The following CCT8 variants were observed in gnomAD, a reference collection of about 807,000 sequenced individuals.
CCT8 encodes chaperonin containing TCP1 subunit 8.
A neutral mutation model predicts 65.7 loss-of-function variants in CCT8; 10 were observed. The ratio of observed to expected loss-of-function variants is 0.15; its 90% CI spans 0.09 to 0.26. The LOEUF (loss-of-function observed/expected upper bound fraction) is 0.26, where lower values mean the gene tolerates loss of function less well. Ranked by LOEUF, CCT8 falls within the 10% of genes least tolerant of loss-of-function variation. The probability of loss-of-function intolerance (pLI) is 1.00; values close to 1 mark genes in which losing one functional copy is unlikely to be tolerated. For synonymous variants in CCT8, 199 were observed against 221.8 expected (o/e 0.90, Z 0.92); for missense variants, 568 against 669.1 (o/e 0.85, Z 1.67).
chr21:29,066,648 C>CA lies in CCT8; in HGVS notation c.624+67dup, dbSNP rs758539577. The CA allele has an allele frequency of 7.2e-5, 71 of 988,440 alleles. 1 individual carries two copies. The highest frequency in any genetic ancestry group is 6.1e-4 in the East Asian group (23 of 37,488). The allele number at this position is 988,440 out of a possible 1,614,324, so 61.2% of individuals were successfully genotyped here. A position where few individuals can be genotyped will look rare whatever the true frequency, so the allele number is the denominator to read the frequency against. The stretch of plus-strand genomic sequence containing the variant: ...ATGAACACATTTTTTTTTTTTTGCA[C>CA]AAAAAAACAAAAAAAGCACACAAAA... On this transcript the variant is annotated intron_variant, in intron 6 of 14. Transcript: ENST00000286788.
chr21:29,061,385 C>T lies in CCT8; in HGVS notation c.1317G>A (p.Lys439=). ...TCPGLEQYAI[K]KFAEAFEAIP... is the part of the protein sequence containing the mutation. ...TAGCTTCAAATGCCTCAGCAAACTT[C>T]TTAATAGCATACTGTTCAAGTCCAG... Residue 439 remains lysine (K), a synonymous_variant, in exon 13 of 15, where the codon AAG becomes AAA. Coordinates refer to ENST00000286788, the MANE Select transcript of CCT8 (RefSeq NM_006585.4). 1 of 1,614,026 alleles carries T rather than the reference C, an allele frequency of 6.2e-7. No individual in the cohort carries two copies. The highest frequency in any genetic ancestry group is 1.3e-5 in the African/African-American group (1 of 75,018).
At chr21:29,066,120 C>T (rs1253719173) in intron 6 of CCT8, among the ~76,000 whole-genome samples, 1 of 150,482 alleles carries the variant, frequency 6.6e-6, no homozygotes, top group African/African-American at 2.4e-5. Context: ...TTTGTTTATA[C>T]ATTATTCTTA....
rs189576607 is a variant in CCT8 at position 29,067,203 on chromosome 21, C to G, written c.382-132G>C. ...ACTTCGGAATAAAACATATAGTAGA[C>G]TCTACTAGTTATGAATGGAGGCTTA... is the stretch of plus-strand genomic sequence containing the variant. On this transcript the variant is annotated intron_variant, in intron 4 of 14. Transcript: ENST00000286788. 3.9e-5 allele frequency: 25 copies of G among 640,024 alleles called. No homozygotes were observed. The East Asian group carries it at 6.9e-4, about 18-fold the overall frequency. 39.6% of individuals were successfully genotyped at this position (640,024 alleles called of 1,614,324 possible).
Position 29,066,742 on chromosome 21 carries a change from C to G in CCT8, c.598G>C (p.Asp200His). ...IFPDSGHFNV[D>H]NIRVCKILGS... is the part of the protein sequence containing the mutation. ...AGAATTTTACAAACTCTGATGTTAT[C>G]AACATTGAAATGGCCGGAATCAGGA... Residue 200 changes from aspartate (D) to histidine (H), a missense_variant, in exon 6 of 15, where the codon GAT becomes CAT. Transcript: ENST00000286788. 4.4e-6 allele frequency: 7 copies of G among 1,607,498 alleles called. No individual in the cohort carries two copies. The highest frequency in any genetic ancestry group is 5.9e-6 in the Non-Finnish European group (7 of 1,176,694).
intron 3 of CCT8, among the ~76,000 whole-genome samples, chr21:29,069,014 T>C (rs982270795): frequency 6.6e-6 from 1 of 152,188 alleles, no homozygotes; most frequent in African/African-American, 2.4e-5. Flanking sequence ...AAACTAAAGC[T>C]GAACAAAGTA....
chr21:29,057,657 TATG>T lies in CCT8; in HGVS notation c.1570-1108_1570-1106del, dbSNP rs987817661. Among the ~76,000 whole-genome samples the T allele has an allele frequency of 2.1e-3, 124 of 59,714 alleles. No individual in the cohort carries two copies. The East Asian group carries it at 0.023, about 11-fold the overall frequency. The allele number at this position is 59,714 out of a possible 152,430, so 39.2% of individuals were successfully genotyped here. ...TATATATAACATTTGATAATATATA[TATG>T]ATATATGTATCATATATACGATACA... is the stretch of plus-strand genomic sequence containing the variant. On this transcript the variant is annotated intron_variant, in intron 14 of 14. Transcript: ENST00000286788.
chr21:29,063,343 T>C lies in CCT8; in HGVS notation c.941+9A>G. 6.2e-7 allele frequency: 1 copy of C among 1,604,488 alleles called. No homozygotes were observed. Among genetic ancestry groups the C allele is most frequent in the Non-Finnish European group, 8.5e-7 (1 of 1,177,576 alleles). On this transcript the variant is annotated intron_variant, in intron 8 of 14. Transcript: ENST00000286788. ...ATATAGGTAAAAAAAAAAATCGGCT[T>C]TTTCTTACCTCACTAACATGATATT...
intron 14 of CCT8, 141 bp downstream of exon 14, chr21:29,060,394 ATTGGAG>A (rs2085549681): frequency 1.4e-6 from 1 of 695,884 alleles, no homozygotes. Context: ...GAAGAAAAAA[ATTGGAG>A]GGGGGCACAT....
chr21:29,072,253 A>C (rs1444067979), intron 1 of CCT8: 7 of 311,894 alleles, frequency 2.2e-5, no homozygotes, highest in Non-Finnish European at 4.1e-5. Flanking sequence ...TTCTTTCATC[A>C]TTATTTGGAA....
At chr21:29,057,818 C>T (rs1386866758) in intron 14 of CCT8, among the ~76,000 whole-genome samples, 1 of 149,090 alleles carries the variant, frequency 6.7e-6, no homozygotes, top group Non-Finnish European at 1.5e-5. Flanking sequence ...ATGATATATA[C>T]ATATGATATG....
chr21:29,069,586 A>G (rs773037802), intron 2 of CCT8, 84 bp from the exon 3 acceptor site: 9 of 735,656 alleles, frequency 1.2e-5, no homozygotes, highest in Non-Finnish European at 1.8e-5. Context: ...TCTAGTTAAG[A>G]AATTATAAAT....
In CCT8 at chr21:29,060,546, C is replaced by A. The variant is rs747987731; in HGVS notation, c.1564G>T (p.Asp522Tyr). 1.2e-6 allele frequency: 2 copies of A among 1,613,432 alleles called. No homozygotes were observed. Among genetic ancestry groups the A allele is most frequent in the Non-Finnish European group, 1.7e-6 (2 of 1,179,716 alleles). Residue 522 changes from aspartate to tyrosine, a missense_variant, in exon 14 of 15, where the codon GAT becomes TAT. By Grantham distance (160) the Asp-to-Tyr change is radical. Coordinates refer to ENST00000286788, the MANE Select transcript of CCT8 (RefSeq NM_006585.4). Reference sequence around the variant, plus strand: ...CAAAATTTCACTTTGCTCACCTGATCCACTCTAAGTACAGTGACTGCAGCA... The same window carrying A: ...CAAAATTTCACTTTGCTCACCTGATACACTCTAAGTACAGTGACTGCAGCA... ...TNAAVTVLRV[D>Y]QIIMAKPAGG...
At position 29,073,166 on chromosome 21, in the gene CCT8, A is replaced by G. The variant is rs145493422; in HGVS notation, c.60+365T>C. The G allele has an allele frequency of 6.9e-6, 5 of 726,730 alleles. No homozygotes were observed. The East Asian group carries it at 4.4e-4, about 65-fold the overall frequency. 45.0% of individuals were successfully genotyped at this position (726,730 alleles called of 1,614,324 possible). A position where few individuals can be genotyped will look rare whatever the true frequency, so the allele number is the denominator to read the frequency against. On this transcript the variant is annotated intron_variant, in intron 1 of 14. Coordinates refer to ENST00000286788, the MANE Select transcript of CCT8 (RefSeq NM_006585.4). ...GTGATAATCGACGTCGCAGTTCTCAAGACAATTTCATCTACGTTATTCAAT... is the reference window on the plus strand; with the variant it reads ...GTGATAATCGACGTCGCAGTTCTCAGGACAATTTCATCTACGTTATTCAAT...
chr21:29,068,819 T>C (rs1234810816), intron 3 of CCT8, among the ~76,000 whole-genome samples: 1 of 152,240 alleles, frequency 6.6e-6, no homozygotes, highest in Non-Finnish European at 1.5e-5. Flanking sequence ...TCGTTTCATT[T>C]AAAACAAAAG....
intron 14 of CCT8, among the ~76,000 whole-genome samples, chr21:29,057,409 C>T (rs2085509916): frequency 6.6e-6 from 1 of 151,176 alleles, no homozygotes; most frequent in South Asian, 2.1e-4. Flanking sequence ...GCATGATCCA[C>T]CCGCCTCAGC....
rs192259932 is a variant in CCT8, at chr21:29,065,702, T to C, written c.625-597A>G. Among the ~76,000 whole-genome samples the C allele has an allele frequency of 4.1e-3, 622 of 152,368 alleles. 2 individuals are homozygous for C. The highest frequency in any genetic ancestry group is 0.014 in the African/African-American group (584 of 41,584). On this transcript the variant is annotated intron_variant, in intron 6 of 14. Coordinates refer to ENST00000286788, the MANE Select transcript of CCT8 (RefSeq NM_006585.4). ...TAACATTAAAGTGTGAATTCTATTATTGAAGAGGAATAGGACGATTTCCAC... is the reference window on the plus strand; with the variant it reads ...TAACATTAAAGTGTGAATTCTATTACTGAAGAGGAATAGGACGATTTCCAC...
At chr21:29,070,366 G>T in intron 1 of CCT8, 29 bp from the exon 2 acceptor site, 1 of 1,434,502 alleles carries the variant, frequency 7.0e-7, no homozygotes, top group Non-Finnish European at 9.7e-7. Flanking sequence ...AAAAAACCCC[G>T]CTAATTAGAC....
intron 4 of CCT8, 31 bp downstream of exon 4, chr21:29,067,525 T>C (rs377104278): frequency 1.6e-4 from 226 of 1,426,570 alleles, no homozygotes; most frequent in Admixed American, 5.6e-4. Flanking sequence ...AGCAAAAATT[T>C]AGTAGGAGTA....
intron 3 of CCT8, among the ~76,000 whole-genome samples, chr21:29,068,579 CCTA>C (rs1417291788): frequency 6.6e-6 from 1 of 152,038 alleles, no homozygotes; most frequent in African/African-American, 2.4e-5. Flanking sequence ...CCTGCCCTAG[CCTA>C]CTGAGTAGCT....
Sources: gnomAD v4.1 joint callset for allele counts (sites outside exome capture counted in the v4.1 genomes callset) on GRCh38, gnomAD v4.1.1 for gene constraint, MANE v1.5 for transcripts, NCBI Gene and HGNC (gene_info 2026-07-23, HGNC 2026-07-21) for gene names.